The following CHD8 variants were observed in gnomAD, a reference collection of about 807,000 sequenced individuals.
The protein encoded by CHD8 is ATP-dependent chromatin remodeler CHD8.
In CHD8, 31 loss-of-function variants were observed where a neutral mutation model predicts 279.2. The ratio of observed to expected loss-of-function variants is 0.11; its 90% CI spans 0.08 to 0.15. The LOEUF is 0.15. CHD8 is among the 10% of genes least tolerant of loss of function. The pLI is 1.00. For missense variants in CHD8, 2,146 were observed against 3,230.5 expected, an observed-to-expected ratio of 0.66 and a Z score of 8.14; for synonymous variants, 1,081 against 1,139.6, an observed-to-expected ratio of 0.95 and a Z score of 1.04.
Position 21,393,860 on chromosome 14 carries a change from GTGACAAGGATGGAGC to G in CHD8, c.5920_5934del (p.Ala1974_Ser1978del). 1 of 1,614,006 alleles carries G rather than the reference GTGACAAGGATGGAGC, an allele frequency of 6.2e-7. No homozygotes were observed. Among genetic ancestry groups the G allele is most frequent in the Non-Finnish European group, 8.5e-7 (1 of 1,179,892 alleles). ...TGGTGCAGCAGTGGAGTAGAGCAGCGTGACAAGGATGGAGCTGGTGCTCCTGCTTGATGGTTCTGC... is the reference window on the plus strand; with the variant it reads ...TGGTGCAGCAGTGGAGTAGAGCAGCGTGGTGCTCCTGCTTGATGGTTCTGC... On this transcript the variant is annotated inframe_deletion, in exon 32 of 38. Coordinates refer to ENST00000646647, the MANE Select transcript of CHD8 (RefSeq NM_001170629.2).
chr14:21,451,473 G>C (rs1053294465), intron 1 of CHD8, among the ~76,000 whole-genome samples: 1 of 149,548 alleles, frequency 6.7e-6, no homozygotes, highest in Non-Finnish European at 1.5e-5. Context: ...CGGGGAGGCT[G>C]AGGCAGGAGA....
At chr14:21,387,228 G>A (rs1361428120) in intron 37 of CHD8, among the ~76,000 whole-genome samples, 1 of 152,282 alleles carries the variant, frequency 6.6e-6, no homozygotes, top group South Asian at 2.1e-4. Context: ...GCTCATGCCT[G>A]TAATCCCAGC....
chr14:21,445,491 C>A (rs1890090171), intron 1 of CHD8, among the ~76,000 whole-genome samples: 1 of 151,602 alleles, frequency 6.6e-6, no homozygotes, highest in Admixed American at 6.6e-5. Context: ...TCAAGACCAG[C>A]CTGGCCAACA....
At position 21,395,240 on chromosome 14, in the gene CHD8, A is replaced by T. The variant is rs374739196; in HGVS notation, c.5182+58T>A. Reference sequence around the variant, plus strand: ...TCCCAGGATAGGACAGAATTCAGTGAATAATTCCCCAACCCACCACCCCAC... The same window carrying T: ...TCCCAGGATAGGACAGAATTCAGTGTATAATTCCCCAACCCACCACCCCAC... On this transcript the variant is annotated intron_variant, in intron 29 of 37. Transcript: ENST00000646647. The T allele has an allele frequency of 2.4e-5, 37 of 1,539,446 alleles. No individual in the cohort carries two copies. In the African/African-American group the frequency reaches 4.8e-4, roughly 20 times the overall value.
intron 37 of CHD8, among the ~76,000 whole-genome samples, chr14:21,386,563 C>T (rs372122638): frequency 2.6e-5 from 4 of 152,168 alleles, no homozygotes; most frequent in South Asian, 2.1e-4. Context: ...TGTGACCGGG[C>T]GCGGTGGCTC....
chr14:21,432,622 G>A (rs543956234), intron 1 of CHD8, among the ~76,000 whole-genome samples: 1 of 152,182 alleles, frequency 6.6e-6, no homozygotes, highest in Admixed American at 6.5e-5. Context: ...TCCTACCTGT[G>A]TGACTTTGCT....
chr14:21,442,912 C>T lies in CHD8; in HGVS notation c.-215-11054G>A, dbSNP rs559336649. Among the ~76,000 whole-genome samples, 5 of 152,206 alleles carry T rather than the reference C, an allele frequency of 3.3e-5. No individual in the cohort carries two copies. In the South Asian group the frequency reaches 1.0e-3, roughly 32 times the overall value. On this transcript the variant is annotated intron_variant, in intron 1 of 37. Coordinates refer to ENST00000646647, the MANE Select transcript of CHD8 (RefSeq NM_001170629.2). ...GGGAGAGACAAGAGAATGTTAATGA[C>T]TGTGAAGAACTGGAGAACCTATATC...
intron 27 of CHD8, chr14:21,397,087 T>C (rs1393424963): frequency 5.4e-6 from 1 of 184,820 alleles, no homozygotes; most frequent in Non-Finnish European, 1.2e-5. Context: ...TACTTTTTAT[T>C]ATTTCATTTG....
intron 37 of CHD8, among the ~76,000 whole-genome samples, chr14:21,386,641 T>C (rs1160733606): frequency 1.3e-5 from 2 of 151,856 alleles, no homozygotes; most frequent in Non-Finnish European, 2.9e-5. Flanking sequence ...ATCGAGACCA[T>C]CCTGGCTAAC....
chr14:21,413,310 G>A (rs1320071285), intron 9 of CHD8, among the ~76,000 whole-genome samples: 1 of 151,290 alleles, frequency 6.6e-6, no homozygotes, highest in Non-Finnish European at 1.5e-5. Flanking sequence ...ACACGTATAT[G>A]TTCCACATTT....
At chr14:21,426,093 G>A (rs1277756127) in intron 5 of CHD8, 35 bp downstream of exon 5, 3 of 1,272,550 alleles carry the variant, frequency 2.4e-6, no homozygotes, top group Admixed American at 1.9e-5. Flanking sequence ...ATTAAACATG[G>A]TTTTTTCTAC....
intron 9 of CHD8, 159 bp downstream of exon 9, chr14:21,414,142 A>G: frequency 3.4e-6 from 2 of 591,862 alleles, no homozygotes; most frequent in Non-Finnish European, 6.0e-6. Flanking sequence ...AAAACAATGC[A>G]AGGGCAGTTA....
In CHD8 at chr14:21,402,426, C is replaced by T. The variant is rs1888076504; in HGVS notation, c.3792G>A (p.Glu1264=). The T allele has an allele frequency of 2.5e-6, 4 of 1,614,192 alleles. No individual in the cohort carries two copies. Among genetic ancestry groups the T allele is most frequent in the Non-Finnish European group, 3.4e-6 (4 of 1,180,022 alleles). ...GGCTGGCCTTATCAAACATCTCTCT[C>T]TCGTAGGAATTACGAGTGATGAGGC... ...VYRLITRNSY[E]REMFDKASLK... The change falls in exon 19 of 38, where the codon GAG becomes GAA. Residue 1264 remains glutamate, a synonymous_variant. Coordinates refer to ENST00000646647, the MANE Select transcript of CHD8 (RefSeq NM_001170629.2). The surrounding 1 kb of genome is among the most constrained non-coding windows in gnomAD (Gnocchi z 4.5).
In CHD8 at chr14:21,414,454, T is replaced by C. The variant is rs187044867; in HGVS notation, c.2025-36A>G. Reference sequence around the variant, plus strand: ...TGGAAAAATCCAGTCATGGTGCAAGTAAAAGAAGGTGGCAGGCTACTGTCT... The same window carrying C: ...TGGAAAAATCCAGTCATGGTGCAAGCAAAAGAAGGTGGCAGGCTACTGTCT... On this transcript the variant is annotated intron_variant, in intron 8 of 37. Transcript: ENST00000646647. 2.3e-4 allele frequency: 264 copies of C among 1,124,658 alleles called. No individual in the cohort carries two copies. In the African/African-American group the frequency reaches 3.8e-3, roughly 16 times the overall value. 69.7% of individuals were successfully genotyped at this position (1,124,658 alleles called of 1,614,324 possible). A position where few individuals can be genotyped will look rare whatever the true frequency, so the allele number is the denominator to read the frequency against.
chr14:21,432,517 T>C (rs901925628), intron 1 of CHD8, among the ~76,000 whole-genome samples: 2 of 152,228 alleles, frequency 1.3e-5, no homozygotes, highest in Non-Finnish European at 2.9e-5. Flanking sequence ...GGATTCAACA[T>C]TGTTTCCAAT....
chr14:21,392,918 C>A, intron 33 of CHD8, 109 bp from the exon 34 acceptor site: 1 of 1,283,572 alleles, frequency 7.8e-7, no homozygotes, highest in Non-Finnish European at 1.1e-6. Context: ...AATCATAAGG[C>A]AGAAAAGAGG....
intron 5 of CHD8, among the ~76,000 whole-genome samples, chr14:21,420,659 T>C (rs1420655656): frequency 2.0e-5 from 3 of 152,148 alleles, no homozygotes; most frequent in Admixed American, 2.0e-4. Context: ...AATATTAATA[T>C]TTAGTGGAAG....
chr14:21,392,806 G>C lies in CHD8; in HGVS notation c.6472C>G (p.Arg2158Gly), dbSNP rs371915075. The C allele has an allele frequency of 1.2e-6, 2 of 1,613,098 alleles. No homozygotes were observed. The highest frequency in any genetic ancestry group is 1.7e-6 in the Non-Finnish European group (2 of 1,179,280). ...AGGTCAATACGGTTTATCAGGACAC[G>C]ATCCTGAATGGGGAAAGAAAGAAAT... ...RQRASEWPKD[R>G]VLINRIDLVC... The change falls in exon 34 of 38, where the codon CGT (arginine) becomes GGT (glycine). Residue 2158 changes from arginine to glycine, a missense_variant. Around this residue, in one of 26 missense-constraint regions of CHD8, gnomAD observed 513 missense variants for 637.6 expected, o/e 0.80. Coordinates refer to ENST00000646647, the MANE Select transcript of CHD8 (RefSeq NM_001170629.2).
chr14:21,455,610 A>C (rs1890368659), intron 1 of CHD8, among the ~76,000 whole-genome samples: 1 of 152,206 alleles, frequency 6.6e-6, no homozygotes, highest in African/African-American at 2.4e-5. Context: ...CAGAAGAAAA[A>C]AAAATAAAAA....
Sources: gnomAD v4.1 joint callset for allele counts (sites outside exome capture counted in the v4.1 genomes callset) on GRCh38, gnomAD v4.1.1 for gene constraint, gnomAD v4.1.1 regional missense constraint, Gnocchi (gnomAD v3.1) non-coding constraint, MANE v1.5 for transcripts, NCBI Gene and HGNC (gene_info 2026-07-23, HGNC 2026-07-21) for gene names.